A2ML1: variants seen among roughly 807,000 people sequenced by gnomAD.
A2ML1 encodes alpha-2-macroglobulin like 1.
Under a neutral mutation model 181.9 loss-of-function variants are expected in A2ML1, and 161 were observed. That is an observed-to-expected ratio of 0.89 (90% confidence interval 0.78 to 1.01). A2ML1 has a LOEUF of 1.01. Ranked by LOEUF, A2ML1 falls within the 50% of genes least tolerant of loss-of-function variation. The pLI is 0.00. For synonymous variants in A2ML1, 663 were observed against 666.8 expected, an observed-to-expected ratio of 0.99 and a Z score of 0.09; for missense variants, 1,670 against 1,768.1, an observed-to-expected ratio of 0.94 and a Z score of 1.00.
At chr12:8,825,989 T>C (rs1942917427) in intron 3 of A2ML1, among the ~76,000 whole-genome samples, 1 of 152,244 alleles carries the variant, frequency 6.6e-6, no homozygotes, top group Non-Finnish European at 1.5e-5. Context: ...TTGGTTACTA[T>C]AGCTTTGCAG....
chr12:8,879,809 TTG>T (rs1444351447), downstream of A2ML1, among the ~76,000 whole-genome samples: 2 of 152,184 alleles, frequency 1.3e-5, no homozygotes, highest in African/African-American at 4.8e-5. Context: ...ATATAAATAT[TTG>T]TGCATATTTG....
intron 1 of A2ML1, 79 bp from the exon 2 acceptor site, chr12:8,823,103 G>T (rs1186855562): frequency 2.9e-6 from 4 of 1,399,978 alleles, no homozygotes; most frequent in Admixed American, 3.9e-5. Context: ...ACTGCTACTT[G>T]CTGAGCGCTT....
Position 8,852,099 on chromosome 12 carries a change from T to C in A2ML1, c.2463+87T>C. ...TGTCTCTAAATTGGAAGCATCCCAA[T>C]TTTCCCTGGGAAAGAGAGGAGATGT... On this transcript the variant is annotated intron_variant, in intron 19 of 35. Coordinates refer to ENST00000299698, the MANE Select transcript of A2ML1 (RefSeq NM_144670.6). This position sits in a 1 kb window ranked among gnomAD's most constrained non-coding sequence, Gnocchi z 4.2. 1 of 1,589,594 alleles carries C rather than the reference T, an allele frequency of 6.3e-7. No individual in the cohort carries two copies.
intron 20 of A2ML1, among the ~76,000 whole-genome samples, chr12:8,853,071 T>C (rs1428013560): frequency 1.3e-5 from 2 of 152,292 alleles, no homozygotes; most frequent in East Asian, 3.9e-4. Flanking sequence ...CATTGCTCAC[T>C]GCAGCCTCAA....
intron 29 of A2ML1, among the ~76,000 whole-genome samples, chr12:8,867,504 G>A (rs914291956): frequency 1.3e-5 from 2 of 152,166 alleles, no homozygotes; most frequent in African/African-American, 2.4e-5. Flanking sequence ...AAAATTAGCC[G>A]GATGTGGTGG....
chr12:8,827,825 C>T (rs1040146591), intron 3 of A2ML1, among the ~76,000 whole-genome samples: 1 of 152,154 alleles, frequency 6.6e-6, no homozygotes, highest in Non-Finnish European at 1.5e-5. Context: ...TTAGGGAGGA[C>T]CCCATGCTCA....
chr12:8,824,009 G>T, intron 3 of A2ML1, 127 bp downstream of exon 3: 1 of 1,087,482 alleles, frequency 9.2e-7, no homozygotes, highest in South Asian at 2.2e-5. Context: ...GGAAAATCTG[G>T]GGGGATTAAG....
intron 3 of A2ML1, among the ~76,000 whole-genome samples, chr12:8,827,683 A>ACT (rs1223023311): frequency 6.6e-6 from 1 of 152,120 alleles, no homozygotes; most frequent in African/African-American, 2.4e-5. Context: ...TGGGCATTGA[A>ACT]GAGTTAGGTA....
downstream of A2ML1, among the ~76,000 whole-genome samples, chr12:8,878,896 G>C (rs1293075023): frequency 6.6e-6 from 1 of 152,190 alleles, no homozygotes; most frequent in Non-Finnish European, 1.5e-5. This position sits in a 1 kb window ranked among gnomAD's most constrained non-coding sequence, Gnocchi z 4.4. Context: ...CCAGGAGGAG[G>C]AGGTTGCAGT....
intron 4 of A2ML1, 21 bp downstream of exon 4, chr12:8,829,800 G>A (rs948253545): frequency 2.5e-6 from 4 of 1,613,856 alleles, no homozygotes; most frequent in Non-Finnish European, 2.5e-6. Flanking sequence ...AGGAGGAGAA[G>A]GAGTGGCGCA....
At position 8,839,107 on chromosome 12, in the gene A2ML1, C is replaced by T. The variant is rs750075587; in HGVS notation, c.971-6C>T. On this transcript the variant is annotated splice_polypyrimidine_tract_variant and splice_region_variant and intron_variant, in intron 9 of 35. Transcript: ENST00000299698. ...AGATCTTTATACATCTGGTTTCCCT[C>T]TGCAGGTGTGGAGGCCAATGCCACT... The T allele has an allele frequency of 6.2e-7, 1 of 1,602,706 alleles. No individual in the cohort carries two copies. The highest frequency in any genetic ancestry group is 8.5e-7 in the Non-Finnish European group (1 of 1,171,566).
intron 14 of A2ML1, among the ~76,000 whole-genome samples, chr12:8,847,047 G>T (rs1315028610): frequency 6.7e-6 from 1 of 149,350 alleles, no homozygotes; most frequent in Non-Finnish European, 1.5e-5. Flanking sequence ...TGATTCTCTT[G>T]CCTCAGACTC....
In A2ML1 at chr12:8,861,156, C is replaced by G; in HGVS notation, c.3361C>G (p.Leu1121Val). Reference protein sequence around the residue: ...DVDDPMVSQGLRCLKNSATST... With the variant: ...DVDDPMVSQGVRCLKNSATST... ...TTAGGACCCAATGGTGAGTCAGGGT[C>G]TACGGTGTCTCAAGAATTCGGCCAC... Residue 1121 changes from leucine (L) to valine (V), a missense_variant, in exon 28 of 36, where the codon CTA (leucine) becomes GTA (valine). Coordinates refer to ENST00000299698, the MANE Select transcript of A2ML1 (RefSeq NM_144670.6). The G allele has an allele frequency of 6.2e-7, 1 of 1,614,152 alleles. No homozygotes were observed. The highest frequency in any genetic ancestry group is 8.5e-7 in the Non-Finnish European group (1 of 1,180,038).
intron 9 of A2ML1, 85 bp downstream of exon 9, chr12:8,838,535 A>T: frequency 1.0e-6 from 1 of 988,204 alleles, no homozygotes; most frequent in Non-Finnish European, 1.5e-6. Flanking sequence ...AGTATACAAG[A>T]CCTACCCTCT....
At position 8,862,190 on chromosome 12, in the gene A2ML1, T is replaced by A. The variant is rs756964784; in HGVS notation, c.3502+893T>A. Among the ~76,000 whole-genome samples the A allele has an allele frequency of 2.9e-4, 44 of 152,226 alleles. No homozygotes were observed. The South Asian group carries it at 4.4e-3, about 15-fold the overall frequency. On this transcript the variant is annotated intron_variant, in intron 28 of 35. Coordinates refer to ENST00000299698, the MANE Select transcript of A2ML1 (RefSeq NM_144670.6). ...GATGTAGGACCACTTTAAATATTTTTTAAATTTTTTATTTTACTTTTTATT... is the reference window on the plus strand; with the variant it reads ...GATGTAGGACCACTTTAAATATTTTATAAATTTTTTATTTTACTTTTTATT...
At chr12:8,861,646 C>T (rs1944270492) in intron 28 of A2ML1, among the ~76,000 whole-genome samples, 1 of 151,990 alleles carries the variant, frequency 6.6e-6, no homozygotes, top group Non-Finnish European at 1.5e-5. Flanking sequence ...CACCACCACG[C>T]CCGGCGAATT....
chr12:8,847,196 G>T (rs1943720029), intron 14 of A2ML1, among the ~76,000 whole-genome samples: 1 of 119,164 alleles, frequency 8.4e-6, no homozygotes, highest in South Asian at 2.7e-4. Flanking sequence ...TCATCCACCT[G>T]CCTTGGCCTC....
At chr12:8,845,247 A>T (rs1180422245) in intron 12 of A2ML1, 195 bp from the exon 13 acceptor site, 2 of 1,513,086 alleles carry the variant, frequency 1.3e-6, no homozygotes, top group Admixed American at 2.0e-5. Flanking sequence ...CTCCAACTGC[A>T]GGAGGAGCCA....
chr12:8,872,272 G>C lies in A2ML1; in HGVS notation c.4222-2153G>C, dbSNP rs760893119. 5.3e-5 allele frequency among the ~76,000 whole-genome samples: 8 copies of C among 151,516 alleles called. No individual in the cohort carries two copies. In the East Asian group the frequency reaches 1.6e-3, roughly 29 times the overall value. The stretch of plus-strand genomic sequence containing the variant: ...AATTCATTATGGTGACCAAATGATA[G>C]AAAAGAACAGTGGTTCTAAAAATTC... On this transcript the variant is annotated intron_variant, in intron 33 of 35. Transcript: ENST00000299698.
Sources: allele counts gnomAD v4.1 joint callset (sites outside exome capture counted in the v4.1 genomes callset), GRCh38; gene constraint gnomAD v4.1.1; non-coding constraint Gnocchi (gnomAD v3.1); transcripts MANE v1.5; gene names NCBI Gene and HGNC (gene_info 2026-07-23, HGNC 2026-07-21).